The following RTL4 variants were observed in gnomAD, a reference collection of about 807,000 sequenced individuals.
RTL4 encodes the protein retrotransposon Gag-like protein 4.
A neutral mutation model predicts 5.3 loss-of-function variants in RTL4; 4 were observed. The ratio of observed to expected loss-of-function variants is 0.75; its 90% CI spans 0.37 to 1.72. The LOEUF is 1.72. Among genes scored for constraint, RTL4 ranks in the 40% most tolerant of loss-of-function variants. RTL4 has a pLI of 0.04. For synonymous variants in RTL4, 98 were observed against 87.3 expected, an observed-to-expected ratio of 1.12 and a Z score of -0.68; for missense variants, 260 against 227.1, an observed-to-expected ratio of 1.14 and a Z score of -0.93.
the RTL4 span, among the ~76,000 whole-genome samples, chrX:112,331,721 C>T: frequency 7.5e-4 from 59 of 78,233 alleles, no homozygotes; most frequent in East Asian, 1.2e-3. Flanking sequence ...ATGTTTATTG[C>T]GGCATTATTC....
At chrX:112,175,169 AATGGCAAT>A in the RTL4 span, among the ~76,000 whole-genome samples, 446 of 107,059 alleles carry the variant, frequency 4.2e-3, 3 homozygotes, top group African/African-American at 0.015. Flanking sequence ...CTATGTCCTG[AATGGCAAT>A]GCCTAGGTTT....
chrX:112,372,698 G>A, the RTL4 span, among the ~76,000 whole-genome samples: 6 of 111,716 alleles, frequency 5.4e-5, no homozygotes, highest in South Asian at 7.4e-4. Flanking sequence ...TACTTTGCCC[G>A]CAGTCTTCTT....
chrX:112,338,592 G>C, the RTL4 span, among the ~76,000 whole-genome samples: 1 of 111,748 alleles, frequency 8.9e-6, no homozygotes, highest in Non-Finnish European at 1.9e-5. Context: ...AATTATTTGA[G>C]CATGATATAG....
At chrX:112,114,712 G>A in the RTL4 span, among the ~76,000 whole-genome samples, 1 of 111,233 alleles carries the variant, frequency 9.0e-6, no homozygotes, top group African/African-American at 3.3e-5. Flanking sequence ...GATTAGAGGA[G>A]GAGTATCATC....
the RTL4 span, among the ~76,000 whole-genome samples, chrX:112,201,370 T>G: frequency 9.0e-6 from 1 of 111,130 alleles, no homozygotes; most frequent in East Asian, 2.8e-4. Context: ...ATTCTACTAT[T>G]TGTAGTTTGT....
At chrX:112,290,260 A>G in the RTL4 span, among the ~76,000 whole-genome samples, 1 of 112,288 alleles carries the variant, frequency 8.9e-6, no homozygotes, top group Non-Finnish European at 1.9e-5. Context: ...AACCGGGGCT[A>G]TATTTCCTGA....
At chrX:112,184,469 C>T in the RTL4 span, among the ~76,000 whole-genome samples, 3 of 112,390 alleles carry the variant, frequency 2.7e-5, no homozygotes, top group African/African-American at 9.7e-5. Flanking sequence ...CTATAAAGTA[C>T]AAAGATTTTA....
chrX:112,198,141 G>C, the RTL4 span, among the ~76,000 whole-genome samples: 3 of 111,431 alleles, frequency 2.7e-5, no homozygotes, highest in Admixed American at 1.9e-4. Flanking sequence ...CTGTCCACGG[G>C]GGGAAGCATG....
the RTL4 span, among the ~76,000 whole-genome samples, chrX:112,406,802 G>A: frequency 9.1e-6 from 1 of 110,298 alleles, no homozygotes; most frequent in African/African-American, 3.3e-5. Context: ...CCTGCATCTT[G>A]GATAGCAGCT....
chrX:112,238,766 A>G, the RTL4 span, among the ~76,000 whole-genome samples: 1 of 111,595 alleles, frequency 9.0e-6, no homozygotes, highest in Non-Finnish European at 1.9e-5. Context: ...AGGCACAGAC[A>G]AAAAGCTCCA....
At chrX:112,374,098 C>A in the RTL4 span, among the ~76,000 whole-genome samples, 2 of 110,385 alleles carry the variant, frequency 1.8e-5, no homozygotes, top group African/African-American at 3.3e-5. Flanking sequence ...GTTTGCCTAC[C>A]CTAAATTTCA....
chrX:112,107,576 G>A, the RTL4 span, among the ~76,000 whole-genome samples: 1 of 111,775 alleles, frequency 8.9e-6, no homozygotes, highest in Admixed American at 9.5e-5. Context: ...CAGCTTTGCT[G>A]GGAACAGTAT....
chrX:112,171,886 T>G, the RTL4 span, among the ~76,000 whole-genome samples: 2 of 112,462 alleles, frequency 1.8e-5, no homozygotes, highest in Non-Finnish European at 3.7e-5. Context: ...AAAGAGCTTC[T>G]GCATGGCAAA....
At chrX:112,232,880 A>G in the RTL4 span, among the ~76,000 whole-genome samples, 15 of 110,498 alleles carry the variant, frequency 1.4e-4, no homozygotes, top group South Asian at 5.9e-3. Context: ...TCTTGAGGGG[A>G]GCTGAGGTAA....
At position 112,455,280 on chromosome X, in the gene RTL4, C is replaced by A. The variant is rs138326550; in HGVS notation, c.552C>A (p.Phe184Leu). 132 of 1,209,291 alleles carry A rather than the reference C, an allele frequency of 1.1e-4. No individual in the cohort carries two copies. The highest frequency in any genetic ancestry group is 9.2e-4 in the Middle Eastern group (4 of 4,369). The change falls in exon 1 of 1, where the codon TTC becomes TTA. Residue 184 changes from phenylalanine (F) to leucine (L), a missense_variant. Physicochemically the swap from Phe to Leu is conservative, Grantham distance 22 (BLOSUM62 0). Coordinates refer to ENST00000340433, the Ensembl canonical transcript of RTL4. Reference sequence around the variant, plus strand: ...ATGAAACCAATCAGAGTGGTCAGTTCGAAAAGGCACTAGCTGATCCCAACC... The same window carrying A: ...ATGAAACCAATCAGAGTGGTCAGTTAGAAAAGGCACTAGCTGATCCCAACC...
At chrX:112,157,958 C>T in the RTL4 span, among the ~76,000 whole-genome samples, 2 of 111,816 alleles carry the variant, frequency 1.8e-5, no homozygotes, top group African/African-American at 6.5e-5. Context: ...CCTGTTCGCT[C>T]TGGATCTGTG....
chrX:112,435,317 G>A, the RTL4 span, among the ~76,000 whole-genome samples: 2,065 of 111,769 alleles, frequency 0.018, 42 homozygotes, highest in African/African-American at 0.064. Flanking sequence ...AACATGCTCA[G>A]ATTGAATGTC....
chrX:112,398,676 G>T, the RTL4 span, among the ~76,000 whole-genome samples: 1 of 111,491 alleles, frequency 9.0e-6, no homozygotes, highest in African/African-American at 3.3e-5. Flanking sequence ...TGGGATTACA[G>T]GCGTGAGCCA....
chrX:112,427,089 T>A, the RTL4 span, among the ~76,000 whole-genome samples: 1 of 111,353 alleles, frequency 9.0e-6, no homozygotes, highest in Non-Finnish European at 1.9e-5. Context: ...AACTCTTACA[T>A]GAGAACAGCA....
Sources: gnomAD v4.1 joint callset for allele counts (sites outside exome capture counted in the v4.1 genomes callset) on GRCh38, gnomAD v4.1.1 for gene constraint, MANE v1.5 for transcripts, NCBI Gene and HGNC (gene_info 2026-07-23, HGNC 2026-07-21) for gene names.